The following MOCOS variants were observed in gnomAD, a reference collection of about 807,000 sequenced individuals.
MOCOS encodes human molybdenum cofactor sulfurase.
A neutral mutation model predicts 83.6 loss-of-function variants in MOCOS; 86 were observed. The ratio of observed to expected loss-of-function variants is 1.03; its 90% CI spans 0.86 to 1.23. MOCOS has a LOEUF of 1.23. MOCOS is among the 50% of genes most tolerant of loss of function. The pLI, the probability that MOCOS is intolerant of heterozygous loss-of-function variation, is 0.00. For missense variants in MOCOS, 1,120 were observed against 1,126.9 expected, an observed-to-expected ratio of 0.99 and a Z score of 0.09; for synonymous variants, 445 against 434.7, an observed-to-expected ratio of 1.02 and a Z score of -0.29.
chr18:36,220,018 G>T, intron 8 of MOCOS, 37 bp from the exon 9 acceptor site: 1 of 1,612,026 alleles, frequency 6.2e-7, no homozygotes, highest in South Asian at 1.1e-5. Flanking sequence ...CAACTTTGGG[G>T]AGCCCTGGCC....
intron 13 of MOCOS, among the ~76,000 whole-genome samples, chr18:36,266,359 C>T (rs1398478935): frequency 6.6e-6 from 1 of 152,092 alleles, no homozygotes; most frequent in Non-Finnish European, 1.5e-5. Flanking sequence ...TGGTCCTGAA[C>T]TCCTGGCCTC....
At chr18:36,246,261 G>T (rs947767680) in intron 9 of MOCOS, among the ~76,000 whole-genome samples, 3 of 152,178 alleles carry the variant, frequency 2.0e-5, no homozygotes, top group Non-Finnish European at 4.4e-5. Context: ...GACTGTTTCT[G>T]TGGGAAGATA....
intron 13 of MOCOS, among the ~76,000 whole-genome samples, chr18:36,263,093 A>G (rs1355924393): frequency 6.6e-6 from 1 of 152,210 alleles, no homozygotes; most frequent in African/African-American, 2.4e-5. Flanking sequence ...TGGGTGACAG[A>G]GCAAGACCCT....
intron 4 of MOCOS, among the ~76,000 whole-genome samples, chr18:36,201,143 G>T (rs1243196780): frequency 6.6e-6 from 1 of 152,164 alleles, no homozygotes; most frequent in African/African-American, 2.4e-5. Flanking sequence ...CACCTCCAGG[G>T]TCCGGAGAAG....
At chr18:36,193,233 C>T (rs986547995) in intron 1 of MOCOS, among the ~76,000 whole-genome samples, 6 of 143,950 alleles carry the variant, frequency 4.2e-5, no homozygotes, top group Non-Finnish European at 9.0e-5. Flanking sequence ...ATGGTGTGAA[C>T]CCGGGAAGCG....
chr18:36,199,772 C>T lies in MOCOS; in HGVS notation c.389C>T (p.Ala130Val), dbSNP rs772854297. Reference protein sequence around the residue: ...STAALKLVAEAFPWVSQGPES... With the variant: ...STAALKLVAEVFPWVSQGPES... Reference sequence around the variant, plus strand: ...GCTGCTCTCAAACTGGTGGCAGAGGCCTTTCCATGGGTGTCCCAGGGCCCA... The same window carrying T: ...GCTGCTCTCAAACTGGTGGCAGAGGTCTTTCCATGGGTGTCCCAGGGCCCA... The change falls in exon 4 of 15, where the codon GCC (alanine) becomes GTC (valine). Residue 130 changes from alanine (A) to valine (V), a missense_variant. Coordinates refer to ENST00000261326, the MANE Select transcript of MOCOS (RefSeq NM_017947.4). 22 of 1,614,008 alleles carry T rather than the reference C, an allele frequency of 1.4e-5. No individual in the cohort carries two copies. The highest frequency in any genetic ancestry group is 1.8e-5 in the Non-Finnish European group (21 of 1,180,044).
intron 1 of MOCOS, among the ~76,000 whole-genome samples, chr18:36,194,815 C>G (rs2091380992): frequency 6.6e-6 from 1 of 152,180 alleles, no homozygotes; most frequent in Admixed American, 6.5e-5. Flanking sequence ...CATTTGCATT[C>G]CTTGTATTCT....
chr18:36,231,344 T>C (rs1021261731), intron 9 of MOCOS, among the ~76,000 whole-genome samples: 5 of 152,216 alleles, frequency 3.3e-5, no homozygotes, highest in African/African-American at 1.2e-4. Flanking sequence ...TTTGTGTCTG[T>C]TTTTATCAGT....
chr18:36,197,420 G>A (rs973244287), intron 2 of MOCOS, among the ~76,000 whole-genome samples: 2 of 149,764 alleles, frequency 1.3e-5, no homozygotes, highest in African/African-American at 2.5e-5. Flanking sequence ...TACTCTTCCC[G>A]ATCACATTTG....
chr18:36,222,442 G>T (rs951890037), intron 9 of MOCOS, among the ~76,000 whole-genome samples: 14 of 151,970 alleles, frequency 9.2e-5, no homozygotes, highest in African/African-American at 2.7e-4. Flanking sequence ...ATCCTGACAG[G>T]GGTAGAGTGA....
intron 1 of MOCOS, among the ~76,000 whole-genome samples, chr18:36,188,073 A>G (rs1273953723): frequency 4.6e-5 from 7 of 152,002 alleles, no homozygotes; most frequent in Non-Finnish European, 1.0e-4. Flanking sequence ...CTCCCGAGGT[A>G]GGAGCGGTGC....
At chr18:36,222,527 A>G (rs1290278974) in intron 9 of MOCOS, among the ~76,000 whole-genome samples, 1 of 151,844 alleles carries the variant, frequency 6.6e-6, no homozygotes, top group Non-Finnish European at 1.5e-5. Context: ...CCCATTGACC[A>G]TTAGTACATC....
chr18:36,190,429 C>T (rs765401178), intron 1 of MOCOS, among the ~76,000 whole-genome samples: 13 of 151,960 alleles, frequency 8.6e-5, no homozygotes, highest in Non-Finnish European at 1.3e-4. Flanking sequence ...CGTGAGGGTG[C>T]GTTCTCACAA....
intron 9 of MOCOS, among the ~76,000 whole-genome samples, chr18:36,233,699 T>C (rs543348): frequency 0.45 from 68,730 of 152,040 alleles, 15,994 homozygotes; most frequent in African/African-American, 0.55. Context: ...CCAGCATCGA[T>C]TATTTTTCAA....
intron 13 of MOCOS, among the ~76,000 whole-genome samples, chr18:36,261,063 T>C (rs1427198478): frequency 6.6e-6 from 1 of 152,086 alleles, no homozygotes. Context: ...TGGCCTTGAA[T>C]GACACTGGCC....
intron 1 of MOCOS, among the ~76,000 whole-genome samples, 169 bp from the exon 2 acceptor site, chr18:36,195,088 A>C (rs989323238): frequency 6.6e-6 from 1 of 152,198 alleles, no homozygotes; most frequent in Non-Finnish European, 1.5e-5. Flanking sequence ...TCAGCATTAG[A>C]AGTGCAGTCC....
chr18:36,200,852 T>A (rs916302338), intron 4 of MOCOS, among the ~76,000 whole-genome samples: 4 of 152,186 alleles, frequency 2.6e-5, no homozygotes, highest in Admixed American at 2.6e-4. Flanking sequence ...TGTGAGGCAG[T>A]GTTAGCGGCA....
chr18:36,210,302 T>C (rs2091449652), intron 6 of MOCOS, among the ~76,000 whole-genome samples: 1 of 152,152 alleles, frequency 6.6e-6, no homozygotes, highest in African/African-American at 2.4e-5. Context: ...GGGGGAGATG[T>C]CGGTCCTCAC....
In MOCOS at chr18:36,257,029, C is replaced by A. The variant is rs1172490299; in HGVS notation, c.2226C>A (p.Ile742=). 11 of 1,614,020 alleles carry A rather than the reference C, an allele frequency of 6.8e-6. No individual in the cohort carries two copies. The South Asian group carries it at 1.2e-4, about 18-fold the overall frequency. The change falls in exon 12 of 15, where the codon ATC becomes ATA. Residue 742 remains isoleucine, a synonymous_variant. Coordinates refer to ENST00000261326, the MANE Select transcript of MOCOS (RefSeq NM_017947.4). ...SLVNEAQYLL[I]NTSSILELHR... is the part of the protein sequence containing the mutation. The stretch of plus-strand genomic sequence containing the variant: ...TGAATGAGGCACAGTATCTGCTGAT[C>A]AACACATCCAGTATTTTGGAACTTC...
Sources: gnomAD v4.1 joint callset for allele counts (sites outside exome capture counted in the v4.1 genomes callset) on GRCh38, gnomAD v4.1.1 for gene constraint, MANE v1.5 for transcripts, NCBI Gene and HGNC (gene_info 2026-07-23, HGNC 2026-07-21) for gene names.